Variants in CHRM3 observed in about 807,000 individuals in gnomAD.
The protein encoded by CHRM3 is muscarinic acetylcholine receptor M3.
In CHRM3, 11 loss-of-function variants were observed where a neutral mutation model predicts 41.8. The ratio of observed to expected loss-of-function variants is 0.26; its 90% CI spans 0.17 to 0.44. The LOEUF (loss-of-function observed/expected upper bound fraction) is 0.44. Ranked by LOEUF, CHRM3 falls within the 20% of genes least tolerant of loss-of-function variation. The pLI is 1.00. For synonymous variants in CHRM3, 297 were observed against 301.4 expected (o/e 0.99, Z 0.15); for missense variants, 571 against 745.4 (o/e 0.77, Z 2.72).
rs544446486 is a variant in CHRM3, at chr1:239,819,041, T to G, written c.-146-8211T>G. ...GCTGGGGCCTAGTGCAGGAGCTCAGTCTAAAACAATGGCTTCCCATAAACT... is the reference window on the plus strand; with the variant it reads ...GCTGGGGCCTAGTGCAGGAGCTCAGGCTAAAACAATGGCTTCCCATAAACT... On this transcript the variant is annotated intron_variant, in intron 5 of 6. Transcript: ENST00000676153. Among the ~76,000 whole-genome samples, 11 of 152,270 alleles carry G rather than the reference T, an allele frequency of 7.2e-5. No individual in the cohort carries two copies. The South Asian group carries it at 2.1e-3, about 29-fold the overall frequency.
chr1:239,785,470 G>A (rs943869770), intron 5 of CHRM3, among the ~76,000 whole-genome samples: 4 of 152,178 alleles, frequency 2.6e-5, no homozygotes, highest in Admixed American at 6.5e-5. Flanking sequence ...TAAACCCTTC[G>A]CTTTCTGTCT....
intron 4 of CHRM3, among the ~76,000 whole-genome samples, chr1:239,634,153 G>C (rs1198283590): frequency 3.9e-5 from 6 of 152,288 alleles, no homozygotes; most frequent in African/African-American, 1.4e-4. Context: ...TGCTGGTCCT[G>C]ACAGCCTGGT....
At chr1:239,541,776 G>A (rs1658806292) in intron 2 of CHRM3, among the ~76,000 whole-genome samples, 1 of 152,184 alleles carries the variant, frequency 6.6e-6, no homozygotes, top group Admixed American at 6.5e-5. Context: ...GCCTCCCGAA[G>A]TGTTGGGATT....
At chr1:239,843,447 C>CTTTTTTTTTTTTTTTTTTTTTTT (rs34901177) in intron 6 of CHRM3, among the ~76,000 whole-genome samples, 1 of 81,226 alleles carries the variant, frequency 1.2e-5, no homozygotes, top group Non-Finnish European at 2.3e-5. Context: ...ACTCGCTTTC[C>CTTTTTTTTTTTTTTTTTTTTTTT]TTTTTTTTTT....
intron 5 of CHRM3, among the ~76,000 whole-genome samples, chr1:239,757,854 C>A (rs991348544): frequency 1.3e-5 from 2 of 152,114 alleles, no homozygotes; most frequent in African/African-American, 4.8e-5. Context: ...AAGTAGGTAT[C>A]TTAATGAAGC....
At chr1:239,857,298 G>A (rs1207801835) in intron 6 of CHRM3, among the ~76,000 whole-genome samples, 2 of 152,090 alleles carry the variant, frequency 1.3e-5, no homozygotes, top group Non-Finnish European at 1.5e-5. Flanking sequence ...GAAAGAGCCA[G>A]AATAGAAATA....
intron 5 of CHRM3, among the ~76,000 whole-genome samples, chr1:239,753,437 T>G (rs1414990474): frequency 6.6e-6 from 1 of 151,968 alleles, no homozygotes; most frequent in Non-Finnish European, 1.5e-5. Context: ...TGGCAGAAGG[T>G]GAAGGGGAAG....
chr1:239,584,218 C>T (rs1241274903), intron 3 of CHRM3, among the ~76,000 whole-genome samples: 10 of 150,716 alleles, frequency 6.6e-5, no homozygotes, highest in Admixed American at 6.6e-4. Context: ...ATTCTCCTGA[C>T]TCAGCCTCCC....
At chr1:239,599,643 T>C (rs1383121256) in intron 3 of CHRM3, among the ~76,000 whole-genome samples, 4 of 152,136 alleles carry the variant, frequency 2.6e-5, no homozygotes, top group African/African-American at 9.7e-5. Context: ...AAGGAAAATA[T>C]GATAAGTCAA....
intron 3 of CHRM3, among the ~76,000 whole-genome samples, chr1:239,595,882 A>G (rs924011085): frequency 1.3e-5 from 2 of 152,136 alleles, no homozygotes; most frequent in Non-Finnish European, 2.9e-5. Context: ...ATAATTCTGA[A>G]TACTGTTATA....
At chr1:239,759,993 C>A (rs1666602703) in intron 5 of CHRM3, among the ~76,000 whole-genome samples, 1 of 152,108 alleles carries the variant, frequency 6.6e-6, no homozygotes, top group Non-Finnish European at 1.5e-5. Flanking sequence ...AGACTCACTG[C>A]AAGCTCTGCC....
chr1:239,679,558 T>C (rs1488541656), intron 5 of CHRM3, among the ~76,000 whole-genome samples: 1 of 152,098 alleles, frequency 6.6e-6, no homozygotes, highest in Non-Finnish European at 1.5e-5. Context: ...TTCTTAGAGA[T>C]GTATGAAGTA....
intron 5 of CHRM3, among the ~76,000 whole-genome samples, chr1:239,751,238 CA>C (rs11298801): frequency 0.11 from 7,993 of 70,926 alleles, 459 homozygotes; most frequent in African/African-American, 0.27. Flanking sequence ...AACTTCATCT[CA>C]AAAAAAAAAA....
At chr1:239,692,592 G>T (rs1659822323) in intron 5 of CHRM3, among the ~76,000 whole-genome samples, 1 of 152,144 alleles carries the variant, frequency 6.6e-6, no homozygotes, top group Non-Finnish European at 1.5e-5. Context: ...TTTGAAGAGG[G>T]TTTGCAGGAT....
At chr1:239,617,561 C>A (rs1667769748) in intron 3 of CHRM3, among the ~76,000 whole-genome samples, 1 of 152,038 alleles carries the variant, frequency 6.6e-6, no homozygotes, top group Admixed American at 6.6e-5. Context: ...CTCGTCTCTA[C>A]AAACAAATTT....
intron 4 of CHRM3, among the ~76,000 whole-genome samples, chr1:239,636,729 A>G (rs1400177710): frequency 6.6e-6 from 1 of 152,216 alleles, no homozygotes; most frequent in Non-Finnish European, 1.5e-5. Flanking sequence ...TGTGCAAAGG[A>G]AGGGCACCCA....
intron 5 of CHRM3, among the ~76,000 whole-genome samples, chr1:239,749,558 C>A (rs1440040390): frequency 6.6e-6 from 1 of 152,100 alleles, no homozygotes; most frequent in Non-Finnish European, 1.5e-5. Flanking sequence ...ATCACAGCTG[C>A]ACAGGAGGCT....
intron 5 of CHRM3, among the ~76,000 whole-genome samples, chr1:239,692,543 G>A (rs1659817571): frequency 6.6e-6 from 1 of 152,166 alleles, no homozygotes; most frequent in African/African-American, 2.4e-5. Flanking sequence ...AGACTCTAAT[G>A]AGTAAATTGG....
At chr1:239,642,273 T>C (rs914991967) in intron 4 of CHRM3, among the ~76,000 whole-genome samples, 1 of 151,494 alleles carries the variant, frequency 6.6e-6, no homozygotes, top group Non-Finnish European at 1.5e-5. Flanking sequence ...GGAGTATCTT[T>C]GTGGCATTCT....
Sources: allele counts gnomAD v4.1 joint callset (sites outside exome capture counted in the v4.1 genomes callset), GRCh38; gene constraint gnomAD v4.1.1; transcripts MANE v1.5; gene names NCBI Gene and HGNC (gene_info 2026-07-23, HGNC 2026-07-21).